Variants in PIWIL3 observed in about 807,000 individuals in gnomAD.
PIWIL3 encodes piwi like RNA-mediated gene silencing 3.
Under a neutral mutation model 109.7 loss-of-function variants are expected in PIWIL3, and 101 were observed. That is an observed-to-expected ratio of 0.92 (90% CI 0.78 to 1.09). PIWIL3 has a LOEUF of 1.09. Ranked by LOEUF, PIWIL3 falls within the 50% of genes least tolerant of loss-of-function variation. The probability of loss-of-function intolerance (pLI) is 0.00; values close to 1 mark genes in which losing one functional copy is unlikely to be tolerated. For synonymous variants in PIWIL3, 373 were observed against 376.4 expected (o/e 0.99, Z 0.10); for missense variants, 1,031 against 1,072.6 (o/e 0.96, Z 0.54).
rs368814347 is a variant in PIWIL3 at position 24,735,110 on chromosome 22, G to A, written c.1634+598C>T. On this transcript the variant is annotated intron_variant, in intron 13 of 20. Coordinates refer to ENST00000616349, the MANE Select transcript of PIWIL3 (RefSeq NM_001255975.1). ...GGTTGTGGTGCAAGGGGCAGGTGGTGGTAGGAAGGGATAATTAGGTGAAGC... is the reference window on the plus strand; with the variant it reads ...GGTTGTGGTGCAAGGGGCAGGTGGTAGTAGGAAGGGATAATTAGGTGAAGC... Among the ~76,000 whole-genome samples the A allele has an allele frequency of 3.0e-4, 46 of 152,284 alleles. No individual in the cohort carries two copies. The South Asian group carries it at 6.9e-3, about 23-fold the overall frequency.
chr22:24,735,907 T>C lies in PIWIL3; in HGVS notation c.1450-15A>G. The C allele has an allele frequency of 1.3e-6, 2 of 1,577,648 alleles. No individual in the cohort carries two copies. The highest frequency in any genetic ancestry group is 1.7e-6 in the Non-Finnish European group (2 of 1,160,558). ...TTGGCTTTAACCTGGAAAAGAATTA[T>C]AAGACATGGCATAAAACTTTATTTT... is the stretch of plus-strand genomic sequence containing the variant. On this transcript the variant is annotated splice_polypyrimidine_tract_variant and intron_variant, in intron 12 of 20. Transcript: ENST00000616349.
At chr22:24,725,336 CA>C (rs536300281) in intron 17 of PIWIL3, 108 bp downstream of exon 17, 4 of 1,393,418 alleles carry the variant, frequency 2.9e-6, no homozygotes, top group Non-Finnish European at 3.9e-6. Context: ...GTTGTGACAC[CA>C]AAAACTAAAG....
intron 18 of PIWIL3, 74 bp from the exon 19 acceptor site, chr22:24,723,329 C>G (rs1469833662): frequency 2.0e-6 from 3 of 1,467,426 alleles, no homozygotes; most frequent in Non-Finnish European, 2.8e-6. Context: ...ATTGAAACAT[C>G]TGCTTTACAT....
At chr22:24,744,177 TTAAAAAAAAA>T (rs1366513992) in intron 12 of PIWIL3, among the ~76,000 whole-genome samples, 14 of 35,842 alleles carry the variant, frequency 3.9e-4, no homozygotes, top group Non-Finnish European at 5.4e-4. Context: ...AGTGACCGAA[TTAAAAAAAAA>T]AAAAAAAAAA....
At chr22:24,757,098 A>AAAAAAAAAAAAAAG (rs1555912998) in intron 4 of PIWIL3, among the ~76,000 whole-genome samples, 1 of 146,446 alleles carries the variant, frequency 6.8e-6, no homozygotes, top group African/African-American at 2.6e-5. Context: ...AAAAAAAAAA[A>AAAAAAAAAAAAAAG]AAAAGAAAAG....
At chr22:24,724,503 C>T (rs542581802) in intron 18 of PIWIL3, among the ~76,000 whole-genome samples, 12 of 151,278 alleles carry the variant, frequency 7.9e-5, no homozygotes, top group East Asian at 5.9e-4. Context: ...GGCGCGATCT[C>T]GGCTCACTGC....
chr22:24,742,002 A>G (rs1924036996), intron 12 of PIWIL3, among the ~76,000 whole-genome samples: 1 of 152,074 alleles, frequency 6.6e-6, no homozygotes, highest in Non-Finnish European at 1.5e-5. Flanking sequence ...AGAAAACCCT[A>G]AAGACTCATC....
At chr22:24,767,993 T>C (rs778452069) in intron 1 of PIWIL3, among the ~76,000 whole-genome samples, 3 of 152,114 alleles carry the variant, frequency 2.0e-5, no homozygotes, top group Non-Finnish European at 4.4e-5. Flanking sequence ...TTCCTGTCCA[T>C]CATTTCTCAC....
At chr22:24,761,713 AG>A (rs1363760766) in intron 2 of PIWIL3, among the ~76,000 whole-genome samples, 1 of 151,432 alleles carries the variant, frequency 6.6e-6, no homozygotes, top group Non-Finnish European at 1.5e-5. Context: ...CTCATGAGTG[AG>A]GGGACAAGAG....
chr22:24,736,042 T>A, intron 12 of PIWIL3, 150 bp from the exon 13 acceptor site: 2 of 662,348 alleles, frequency 3.0e-6, no homozygotes, highest in African/African-American at 3.8e-5. Context: ...TTCATTAAGA[T>A]ATAGGTTAAT....
At chr22:24,749,362 C>T in intron 11 of PIWIL3, 42 bp downstream of exon 11, 1 of 1,604,932 alleles carries the variant, frequency 6.2e-7, no homozygotes, top group Non-Finnish European at 8.5e-7. Flanking sequence ...ACTGGGACAC[C>T]ATGCACATGT....
intron 1 of PIWIL3, among the ~76,000 whole-genome samples, chr22:24,771,232 GCGAGCGAAT>G (rs1333637914): frequency 1.3e-5 from 2 of 152,050 alleles, no homozygotes; most frequent in Non-Finnish European, 2.9e-5. Flanking sequence ...GGAGGCTGAG[GCGAGCGAAT>G]CATGAGGTCA....
intron 1 of PIWIL3, 104 bp from the exon 2 acceptor site, chr22:24,762,625 G>T: frequency 1.0e-6 from 1 of 995,562 alleles, no homozygotes; most frequent in Non-Finnish European, 1.4e-6. Context: ...ATTTATAAAG[G>T]AAGAGGTGTG....
At chr22:24,763,205 C>G (rs570761654) in intron 1 of PIWIL3, among the ~76,000 whole-genome samples, 1 of 150,358 alleles carries the variant, frequency 6.7e-6, no homozygotes, top group African/African-American at 2.5e-5. Flanking sequence ...AGTGCAGTGG[C>G]GCAATCTCAG....
At chr22:24,743,865 A>C (rs1196427311) in intron 12 of PIWIL3, among the ~76,000 whole-genome samples, 1 of 152,152 alleles carries the variant, frequency 6.6e-6, no homozygotes, top group Non-Finnish European at 1.5e-5. Flanking sequence ...ACAAATTTAA[A>C]ATAGAGTTTA....
intron 1 of PIWIL3, among the ~76,000 whole-genome samples, chr22:24,768,482 G>C (rs990744370): frequency 6.6e-6 from 1 of 152,136 alleles, no homozygotes; most frequent in Non-Finnish European, 1.5e-5. Context: ...TTGAACTCCT[G>C]ACCTCGTGAT....
At chr22:24,744,192 A>AAAAAAAAAAAAAAAAAAAAAAAAAAT (rs1924201235) in intron 12 of PIWIL3, among the ~76,000 whole-genome samples, 1 of 147,478 alleles carries the variant, frequency 6.8e-6, no homozygotes, top group Non-Finnish European at 1.5e-5. Flanking sequence ...AAAAAAAAAA[A>AAAAAAAAAAAAAAAAAAAAAAAAAAT]AAAAAAAAAA....
At position 24,772,044 on chromosome 22, in the gene PIWIL3, T is replaced by C. The variant is rs1926165713; in HGVS notation, c.-23+2278A>G. On this transcript the variant is annotated intron_variant, in intron 1 of 20. Coordinates refer to ENST00000616349, the MANE Select transcript of PIWIL3 (RefSeq NM_001255975.1). ...AGTGCTCAGTTGGCCAACAGAACTG[T>C]GTTGGTAGCCTACTCTTACTGGAAT... Among the ~76,000 whole-genome samples, 4 of 152,210 alleles carry C rather than the reference T, an allele frequency of 2.6e-5. No individual in the cohort carries two copies. The South Asian group carries it at 8.3e-4, about 32-fold the overall frequency.
At chr22:24,722,985 G>T in intron 19 of PIWIL3, 145 bp downstream of exon 19, 1 of 887,482 alleles carries the variant, frequency 1.1e-6, no homozygotes, top group Non-Finnish European at 1.7e-6. Context: ...AGGAATCTCT[G>T]CCCAATAGTA....
Sources: allele counts gnomAD v4.1 joint callset (sites outside exome capture counted in the v4.1 genomes callset), GRCh38; gene constraint gnomAD v4.1.1; transcripts MANE v1.5; gene names NCBI Gene and HGNC (gene_info 2026-07-23, HGNC 2026-07-21).